CHRM2: variants seen among roughly 807,000 people sequenced by gnomAD.
CHRM2 encodes the protein cholinergic receptor muscarinic 2.
CHRM2 carries 8 observed loss-of-function variants against 25.0 expected under a neutral mutation model. That is an observed-to-expected ratio of 0.32 (90% confidence interval 0.19 to 0.58). The LOEUF (loss-of-function observed/expected upper bound fraction) is 0.58, where lower values mean the gene tolerates loss of function less well. CHRM2 is among the 20% of genes least tolerant of loss of function. The pLI is 0.88. For synonymous variants in CHRM2, 202 were observed against 205.7 expected (o/e 0.98, Z 0.15); for missense variants, 440 against 567.1 (o/e 0.78, Z 2.28).
chr7:136,971,549 G>A (rs1265308769), intron 2 of CHRM2, among the ~76,000 whole-genome samples: 1 of 150,974 alleles, frequency 6.6e-6, no homozygotes, highest in African/African-American at 2.4e-5. Flanking sequence ...CCCAGGAGGC[G>A]GAGGTTTCAG....
intron 2 of CHRM2, among the ~76,000 whole-genome samples, chr7:136,953,674 G>A (rs1383796178): frequency 6.6e-6 from 1 of 151,354 alleles, no homozygotes; most frequent in Non-Finnish European, 1.5e-5. Flanking sequence ...GGCTGAAACA[G>A]ACATGCAAAC....
intron 2 of CHRM2, among the ~76,000 whole-genome samples, chr7:136,926,575 T>C (rs1473566876): frequency 6.6e-6 from 1 of 152,216 alleles, no homozygotes; most frequent in East Asian, 1.9e-4. Flanking sequence ...AGGAGTCCTA[T>C]TATTCCATGT....
intron 2 of CHRM2, among the ~76,000 whole-genome samples, chr7:136,926,323 A>G (rs1417529749): frequency 6.6e-6 from 1 of 152,212 alleles, no homozygotes; most frequent in Non-Finnish European, 1.5e-5. Context: ...AAATTAATTT[A>G]GTTGACATAT....
chr7:136,961,202 C>T (rs6952264), intron 2 of CHRM2, among the ~76,000 whole-genome samples: 99,613 of 152,070 alleles, frequency 0.66, 33,284 homozygotes, highest in African/African-American at 0.73. Context: ...ATTCTGTTTT[C>T]TACTATCAGT....
chr7:136,936,602 A>C (rs557517461), intron 2 of CHRM2, among the ~76,000 whole-genome samples: 1 of 139,856 alleles, frequency 7.2e-6, no homozygotes, highest in African/African-American at 2.4e-5. Flanking sequence ...GTGCATGTAC[A>C]TGTCTCTGTC....
At chr7:136,903,187 A>G (rs551730904) in intron 2 of CHRM2, 1 of 534,290 alleles carries the variant, frequency 1.9e-6, no homozygotes, top group Non-Finnish European at 3.8e-6. Context: ...GCTGGTTTGG[A>G]AAGTTCATTG....
intron 2 of CHRM2, among the ~76,000 whole-genome samples, chr7:136,975,837 C>T (rs1235105346): frequency 6.6e-6 from 1 of 152,106 alleles, no homozygotes; most frequent in Non-Finnish European, 1.5e-5. Context: ...GGCAAATTAT[C>T]ACCTTCTCCA....
In CHRM2 at chr7:136,938,406, C is replaced by G. The variant is rs1446456185; in HGVS notation, c.-124-53781C>G. On this transcript the variant is annotated intron_variant, in intron 2 of 3. Coordinates refer to ENST00000680005, the MANE Select transcript of CHRM2 (RefSeq NM_001006630.2). ...TGTTCTGCTGCTCCAGGAACCGTAC[C>G]TTGTCTATGAAGGAGGCAAACTTCT... The G allele has an allele frequency of 1.2e-5, 19 of 1,554,970 alleles. No individual in the cohort carries two copies. In the East Asian group the frequency reaches 4.3e-4, roughly 35 times the overall value.
intron 2 of CHRM2, among the ~76,000 whole-genome samples, chr7:136,954,645 G>GA (rs1454538430): frequency 6.6e-6 from 1 of 152,082 alleles, no homozygotes; most frequent in Non-Finnish European, 1.5e-5. Context: ...TCAAAATACA[G>GA]AAAAAATATG....
At chr7:137,011,215 G>GTATATATATATATATATA (rs71176365) in intron 3 of CHRM2, among the ~76,000 whole-genome samples, 7 of 134,326 alleles carry the variant, frequency 5.2e-5, no homozygotes, top group African/African-American at 1.6e-4. Flanking sequence ...GTGTGTGTGT[G>GTATATATATATATATATA]TATATATATA....
intron 2 of CHRM2, among the ~76,000 whole-genome samples, chr7:136,965,572 T>C (rs1801363335): frequency 6.6e-6 from 1 of 151,948 alleles, no homozygotes; most frequent in Non-Finnish European, 1.5e-5. Context: ...AGAAAATAAC[T>C]CAAAATAAAT....
Position 136,964,495 on chromosome 7 carries a change from G to T in CHRM2, c.-124-27692G>T, listed in dbSNP as rs141044786. Among the ~76,000 whole-genome samples, 417 of 152,206 alleles carry T rather than the reference G, an allele frequency of 2.7e-3. 2 individuals are homozygous for T. The highest frequency in any genetic ancestry group is 4.6e-3 in the Non-Finnish European group (316 of 67,988). On this transcript the variant is annotated intron_variant, in intron 2 of 3. Transcript: ENST00000680005. The stretch of plus-strand genomic sequence containing the variant: ...GCTGGGAGAAAAACATTTCTCAATT[G>T]CCTGCCTGCAAAATATCAGAAAATA...
rs963226012 is a variant in CHRM2, at chr7:136,913,170, C to T, written c.-125+43752C>T. Among the ~76,000 whole-genome samples, 8 of 151,994 alleles carry T rather than the reference C, an allele frequency of 5.3e-5. No individual in the cohort carries two copies. In the East Asian group the frequency reaches 5.8e-4, roughly 11 times the overall value. On this transcript the variant is annotated intron_variant, in intron 2 of 3. Coordinates refer to ENST00000680005, the MANE Select transcript of CHRM2 (RefSeq NM_001006630.2). Reference sequence around the variant, plus strand: ...TGAGTATTAAATACCTATCCAAATGCTTTCATAATATAAAACAGATTATTC... The same window carrying T: ...TGAGTATTAAATACCTATCCAAATGTTTTCATAATATAAAACAGATTATTC...
intron 2 of CHRM2, among the ~76,000 whole-genome samples, chr7:136,915,398 T>C (rs2130705464): frequency 6.6e-6 from 1 of 152,076 alleles, no homozygotes; most frequent in Admixed American, 6.6e-5. Context: ...TTCCTGAGAC[T>C]ATAATGAATC....
chr7:136,968,427 G>A (rs1246761723), intron 2 of CHRM2, among the ~76,000 whole-genome samples: 1 of 151,880 alleles, frequency 6.6e-6, no homozygotes, highest in African/African-American at 2.4e-5. Context: ...TGCTGTTGGT[G>A]GGAGTGTAAA....
intron 2 of CHRM2, among the ~76,000 whole-genome samples, chr7:136,953,117 C>T (rs766878953): frequency 3.9e-5 from 6 of 151,962 alleles, no homozygotes; most frequent in African/African-American, 1.2e-4. Flanking sequence ...TGGGTTGAAT[C>T]GTATTTCTGT....
intron 2 of CHRM2, among the ~76,000 whole-genome samples, chr7:136,909,841 A>G (rs1797745795): frequency 6.6e-6 from 1 of 151,906 alleles, no homozygotes; most frequent in Non-Finnish European, 1.5e-5. Flanking sequence ...GTAGCAGACC[A>G]CTTTTTGTCA....
intron 2 of CHRM2, among the ~76,000 whole-genome samples, chr7:136,986,920 T>C (rs577922051): frequency 1.8e-3 from 273 of 152,274 alleles, no homozygotes; most frequent in African/African-American, 6.3e-3. Flanking sequence ...AGTATATGCA[T>C]TCATTCATTC....
chr7:136,883,820 CA>C (rs1563043668), intron 2 of CHRM2, among the ~76,000 whole-genome samples: 1 of 152,102 alleles, frequency 6.6e-6, no homozygotes, highest in African/African-American at 2.4e-5. Flanking sequence ...ACTTTAATGA[CA>C]GGTATGAAAT....
Sources: gnomAD v4.1 joint callset for allele counts (sites outside exome capture counted in the v4.1 genomes callset) on GRCh38, gnomAD v4.1.1 for gene constraint, MANE v1.5 for transcripts, NCBI Gene and HGNC (gene_info 2026-07-23, HGNC 2026-07-21) for gene names.